Variants in CTNNA3 observed in about 807,000 individuals in gnomAD.
The protein encoded by CTNNA3 is catenin alpha-3.
A neutral mutation model predicts 95.7 loss-of-function variants in CTNNA3; 76 were observed. That is an observed-to-expected ratio of 0.79 (90% confidence interval 0.66 to 0.96). CTNNA3 has a LOEUF of 0.96. CTNNA3 is among the 40% of genes least tolerant of loss of function. The probability of loss-of-function intolerance (pLI) is 0.00; values close to 1 mark genes in which losing one functional copy is unlikely to be tolerated. For missense variants in CTNNA3, 1,191 were observed against 1,089.8 expected, an observed-to-expected ratio of 1.09 and a Z score of -1.31; for synonymous variants, 431 against 374.4, an observed-to-expected ratio of 1.15 and a Z score of -1.74.
At chr10:67,284,570 C>G (rs953382946) in intron 5 of CTNNA3, among the ~76,000 whole-genome samples, 5 of 151,848 alleles carry the variant, frequency 3.3e-5, no homozygotes, top group Non-Finnish European at 1.5e-5. Flanking sequence ...GCAAATGTAC[C>G]CTTTGGGAGA....
intron 3 of CTNNA3, among the ~76,000 whole-genome samples, chr10:67,598,786 T>C (rs1463557342): frequency 2.0e-5 from 3 of 152,060 alleles, no homozygotes; most frequent in Non-Finnish European, 4.4e-5. Flanking sequence ...TGATTTAAGA[T>C]GTCACAGGAC....
intron 7 of CTNNA3, among the ~76,000 whole-genome samples, chr10:67,017,128 T>G (rs1852708230): frequency 6.6e-6 from 1 of 152,204 alleles, no homozygotes. Context: ...TAACAATAAC[T>G]GAGCAAACAA....
At chr10:66,826,047 A>T (rs1842495095) in intron 7 of CTNNA3, among the ~76,000 whole-genome samples, 1 of 152,140 alleles carries the variant, frequency 6.6e-6, no homozygotes, top group African/African-American at 2.4e-5. Context: ...TTAGGGGAGG[A>T]GTGAAAGGAA....
At chr10:66,315,129 C>T (rs1192673720) in intron 12 of CTNNA3, among the ~76,000 whole-genome samples, 2 of 151,948 alleles carry the variant, frequency 1.3e-5, no homozygotes, top group Non-Finnish European at 2.9e-5. Context: ...TAGCTTATTG[C>T]TCCTTTTTTT....
intron 14 of CTNNA3, among the ~76,000 whole-genome samples, chr10:66,089,312 C>A (rs1352673791): frequency 6.6e-6 from 1 of 151,592 alleles, no homozygotes; most frequent in Non-Finnish European, 1.5e-5. Context: ...AGAGAGTCTT[C>A]CTGCCCCAAC....
chr10:67,623,398 G>A (rs1205648298), intron 2 of CTNNA3, among the ~76,000 whole-genome samples: 2 of 152,138 alleles, frequency 1.3e-5, no homozygotes, highest in Non-Finnish European at 2.9e-5. Context: ...TGATATATAT[G>A]ATTGCTTGCT....
chr10:67,727,175 ATATAT>A (rs989112498), intron 1 of CTNNA3, among the ~76,000 whole-genome samples: 127 of 126,678 alleles, frequency 1.0e-3, no homozygotes, highest in African/African-American at 2.7e-3. Context: ...TATATGATAC[ATATAT>A]TATATATATT....
Position 66,370,354 on chromosome 10 carries a change from G to A in CTNNA3, c.1732+8798C>T, listed in dbSNP as rs532265115. 2.0e-5 allele frequency among the ~76,000 whole-genome samples: 3 copies of A among 152,244 alleles called. No homozygotes were observed. In the South Asian group the frequency reaches 6.2e-4, roughly 32 times the overall value. ...ACAACTGAAGGGAATTGTTTCATTAGTTTCATAAATCTGATTTTTGAGATG... is the reference window on the plus strand; with the variant it reads ...ACAACTGAAGGGAATTGTTTCATTAATTTCATAAATCTGATTTTTGAGATG... On this transcript the variant is annotated intron_variant, in intron 12 of 17. Coordinates refer to ENST00000433211, the MANE Select transcript of CTNNA3 (RefSeq NM_013266.4).
At chr10:67,404,606 A>G (rs1845062229) in intron 5 of CTNNA3, among the ~76,000 whole-genome samples, 1 of 152,182 alleles carries the variant, frequency 6.6e-6, no homozygotes, top group Middle Eastern at 3.2e-3. Flanking sequence ...AAAGATGAGG[A>G]GAATGGGACC....
In CTNNA3 at chr10:67,146,439, G is replaced by C. The variant is rs1348411760; in HGVS notation, c.1047+33878C>G. ...GTATTCTCCTTGCTTCAGGAATCTAGACGAACATTTTTACAAAAATATATA... is the reference window on the plus strand; with the variant it reads ...GTATTCTCCTTGCTTCAGGAATCTACACGAACATTTTTACAAAAATATATA... On this transcript the variant is annotated intron_variant, in intron 7 of 17. Transcript: ENST00000433211. Among the ~76,000 whole-genome samples, 6 of 152,236 alleles carry C rather than the reference G, an allele frequency of 3.9e-5. No individual in the cohort carries two copies. The East Asian group carries it at 1.2e-3, about 29-fold the overall frequency.
intron 3 of CTNNA3, among the ~76,000 whole-genome samples, chr10:67,548,635 G>A (rs1840919482): frequency 6.6e-6 from 1 of 152,048 alleles, no homozygotes; most frequent in Non-Finnish European, 1.5e-5. Flanking sequence ...CTACTTGCAA[G>A]AGCTAAAACT....
intron 14 of CTNNA3, among the ~76,000 whole-genome samples, chr10:66,090,295 A>G (rs529827507): frequency 6.6e-6 from 1 of 152,142 alleles, no homozygotes; most frequent in African/African-American, 2.4e-5. Flanking sequence ...AAATCTGAAG[A>G]GAACTAATTA....
At chr10:66,739,977 G>C (rs1414348574) in intron 9 of CTNNA3, among the ~76,000 whole-genome samples, 4 of 152,188 alleles carry the variant, frequency 2.6e-5, no homozygotes, top group African/African-American at 9.7e-5. Context: ...TTAAGCACGT[G>C]CAAGATAACG....
chr10:67,073,975 G>C (rs903252804), intron 7 of CTNNA3, among the ~76,000 whole-genome samples: 1 of 150,800 alleles, frequency 6.6e-6, no homozygotes, highest in African/African-American at 2.4e-5. Flanking sequence ...TATTTATTTC[G>C]CACAGCTACA....
chr10:67,637,801 G>A (rs1190662278), intron 2 of CTNNA3, among the ~76,000 whole-genome samples: 1 of 152,028 alleles, frequency 6.6e-6, no homozygotes, highest in Non-Finnish European at 1.5e-5. Flanking sequence ...ACACTTTACA[G>A]ACAAGCAAAT....
At chr10:67,473,223 G>C (rs1446426968) in intron 5 of CTNNA3, among the ~76,000 whole-genome samples, 1 of 152,120 alleles carries the variant, frequency 6.6e-6, no homozygotes, top group East Asian at 1.9e-4. Flanking sequence ...CAGATAAAAT[G>C]TCTCAAGCCC....
intron 3 of CTNNA3, among the ~76,000 whole-genome samples, chr10:67,600,742 A>G (rs982191415): frequency 6.6e-6 from 1 of 152,228 alleles, no homozygotes; most frequent in Non-Finnish European, 1.5e-5. Flanking sequence ...TAATGCACTG[A>G]AAGTAATACA....
chr10:67,202,977 C>A (rs551923061), intron 6 of CTNNA3, among the ~76,000 whole-genome samples: 1 of 152,192 alleles, frequency 6.6e-6, no homozygotes, highest in Admixed American at 6.6e-5. Flanking sequence ...AGTTTACATA[C>A]CATGTATACT....
At chr10:67,617,071 G>A (rs1192187827) in intron 2 of CTNNA3, among the ~76,000 whole-genome samples, 1 of 152,144 alleles carries the variant, frequency 6.6e-6, no homozygotes, top group African/African-American at 2.4e-5. Flanking sequence ...CTATTATTTA[G>A]AGGAAATGCC....
Sources: gnomAD v4.1 joint callset for allele counts (sites outside exome capture counted in the v4.1 genomes callset) on GRCh38, gnomAD v4.1.1 for gene constraint, MANE v1.5 for transcripts, NCBI Gene and HGNC (gene_info 2026-07-23, HGNC 2026-07-21) for gene names.